The following COL5A2 variants were observed in gnomAD, a reference collection of about 807,000 sequenced individuals.
The protein encoded by COL5A2 is collagen type V alpha 2 chain.
Under a neutral mutation model 208.2 loss-of-function variants are expected in COL5A2, and 23 were observed. The ratio of observed to expected loss-of-function variants is 0.11; its 90% CI spans 0.08 to 0.16. The LOEUF (loss-of-function observed/expected upper bound fraction) is 0.16. Among genes scored for constraint, COL5A2 ranks in the 10% least tolerant of loss-of-function variants. COL5A2 has a pLI of 1.00. For synonymous variants in COL5A2, 625 were observed against 628.5 expected (o/e 0.99, Z 0.08); for missense variants, 1,590 against 1,956.4 (o/e 0.81, Z 3.53).
chr2:189,183,772 C>T (rs939572309), upstream of COL5A2, among the ~76,000 whole-genome samples: 1 of 152,134 alleles, frequency 6.6e-6, no homozygotes, highest in Non-Finnish European at 1.5e-5. Flanking sequence ...AATATAATAA[C>T]ATGAGTTTAA....
chr2:189,159,886 T>TAAC (rs536090945), intron 1 of COL5A2, among the ~76,000 whole-genome samples: 62 of 151,396 alleles, frequency 4.1e-4, no homozygotes, highest in African/African-American at 1.5e-3. Flanking sequence ...TCTCAAAAAA[T>TAAC]AATAATAATA....
intron 7 of COL5A2, among the ~76,000 whole-genome samples, chr2:189,091,808 T>G (rs1576520792): frequency 6.6e-6 from 1 of 152,216 alleles, no homozygotes; most frequent in East Asian, 1.9e-4. Context: ...AAGTCGGTAT[T>G]GAAAGGCTTT....
At chr2:189,090,897 T>C (rs1282496716) in intron 7 of COL5A2, among the ~76,000 whole-genome samples, 1 of 152,200 alleles carries the variant, frequency 6.6e-6, no homozygotes, top group Non-Finnish European at 1.5e-5. Flanking sequence ...AGAGTTCTGA[T>C]GGAGATATAC....
At chr2:189,409,714 A>AT in the COL5A2 span, among the ~76,000 whole-genome samples, 1 of 152,176 alleles carries the variant, frequency 6.6e-6, no homozygotes, top group Non-Finnish European at 1.5e-5. Flanking sequence ...ATAATACTGA[A>AT]TTTATTTGTG....
intron 1 of COL5A2, among the ~76,000 whole-genome samples, chr2:189,128,478 T>A (rs1687649981): frequency 6.6e-6 from 1 of 151,830 alleles, no homozygotes; most frequent in African/African-American, 2.4e-5. Flanking sequence ...TATTGAAGAG[T>A]TTGTTGTTTT....
chr2:189,250,690 T>A, the COL5A2 span, among the ~76,000 whole-genome samples: 1 of 152,098 alleles, frequency 6.6e-6, no homozygotes, highest in Non-Finnish European at 1.5e-5. Context: ...TCCCCTATCA[T>A]ACTCTTTAAA....
At chr2:189,117,464 C>T (rs1687415061) in intron 1 of COL5A2, among the ~76,000 whole-genome samples, 1 of 152,112 alleles carries the variant, frequency 6.6e-6, no homozygotes. Context: ...ATACATGAAA[C>T]ATTTGTAAGT....
At chr2:189,145,899 A>G (rs771192426) in intron 1 of COL5A2, among the ~76,000 whole-genome samples, 29 of 152,248 alleles carry the variant, frequency 1.9e-4, no homozygotes, top group Middle Eastern at 3.4e-3. Context: ...CAAAAACTTG[A>G]CATGAGTGGA....
the COL5A2 span, among the ~76,000 whole-genome samples, chr2:189,310,977 A>C: frequency 6.6e-6 from 1 of 152,078 alleles, no homozygotes; most frequent in East Asian, 1.9e-4. Flanking sequence ...TGAGTACAAA[A>C]AAAAATTAGT....
At chr2:189,122,114 T>C (rs921445289) in intron 1 of COL5A2, among the ~76,000 whole-genome samples, 2 of 152,192 alleles carry the variant, frequency 1.3e-5, no homozygotes, top group African/African-American at 4.8e-5. Context: ...GTCACTCTTT[T>C]AACAAATATT....
chr2:189,082,499 A>C (rs1686556822), intron 12 of COL5A2, among the ~76,000 whole-genome samples: 1 of 152,210 alleles, frequency 6.6e-6, no homozygotes. Flanking sequence ...CATCCTTAGC[A>C]GGCAACTTAG....
chr2:189,332,256 G>A, the COL5A2 span, among the ~76,000 whole-genome samples: 4 of 152,102 alleles, frequency 2.6e-5, no homozygotes, highest in Non-Finnish European at 4.4e-5. Context: ...GATTATTAAG[G>A]GTATAGATAA....
intron 18 of COL5A2, among the ~76,000 whole-genome samples, chr2:189,071,377 C>T (rs1357356104): frequency 6.6e-6 from 1 of 152,158 alleles, no homozygotes; most frequent in African/African-American, 2.4e-5. Flanking sequence ...AATTAATTCA[C>T]CAGTTTATCT....
At chr2:189,424,173 A>C in the COL5A2 span, among the ~76,000 whole-genome samples, 1 of 152,238 alleles carries the variant, frequency 6.6e-6, no homozygotes, top group Non-Finnish European at 1.5e-5. Flanking sequence ...AACTGTGAAT[A>C]AATTAGGTAC....
At chr2:189,289,198 T>C in the COL5A2 span, among the ~76,000 whole-genome samples, 2 of 151,818 alleles carry the variant, frequency 1.3e-5, 1 homozygote, top group South Asian at 4.2e-4. Context: ...AAAAATTAGC[T>C]GGGCGTGGTG....
intron 52 of COL5A2, 82 bp from the exon 53 acceptor site, chr2:189,035,237 T>A: frequency 1.9e-6 from 3 of 1,549,070 alleles, no homozygotes; most frequent in Non-Finnish European, 2.7e-6. Flanking sequence ...AATATATAAA[T>A]TGATTTCAGA....
chr2:189,406,004 T>A, the COL5A2 span, among the ~76,000 whole-genome samples: 1 of 152,154 alleles, frequency 6.6e-6, no homozygotes, highest in Non-Finnish European at 1.5e-5. Flanking sequence ...TTGCAACCAC[T>A]TCATGGAGTG....
At chr2:189,170,671 T>C (rs548422203) in intron 1 of COL5A2, among the ~76,000 whole-genome samples, 2 of 152,128 alleles carry the variant, frequency 1.3e-5, no homozygotes, top group East Asian at 3.9e-4. Flanking sequence ...ATGGAAATCA[T>C]AGTATTTGTT....
intron 1 of COL5A2, among the ~76,000 whole-genome samples, chr2:189,132,013 A>G (rs1687725557): frequency 6.6e-6 from 1 of 152,226 alleles, no homozygotes; most frequent in Non-Finnish European, 1.5e-5. Context: ...TTTTGATTAT[A>G]AGGTATCTAT....
Sources: gnomAD v4.1 joint callset for allele counts (sites outside exome capture counted in the v4.1 genomes callset) on GRCh38, gnomAD v4.1.1 for gene constraint, MANE v1.5 for transcripts, NCBI Gene and HGNC (gene_info 2026-07-23, HGNC 2026-07-21) for gene names.